MLYCD: variants seen among roughly 807,000 people sequenced by gnomAD.
MLYCD encodes the protein malonyl-CoA decarboxylase.
Under a neutral mutation model 35.8 loss-of-function variants are expected in MLYCD, and 27 were observed. That is an observed-to-expected ratio of 0.75 (90% CI 0.56 to 1.04). MLYCD has a LOEUF of 1.04. Among genes scored for constraint, MLYCD ranks in the 50% least tolerant of loss-of-function variants. The probability of loss-of-function intolerance (pLI) is 0.00; values close to 1 mark genes in which losing one functional copy is unlikely to be tolerated. For missense variants in MLYCD, 917 were observed against 665.1 expected, an observed-to-expected ratio of 1.38 and a Z score of -4.17; for synonymous variants, 403 against 302.4, an observed-to-expected ratio of 1.33 and a Z score of -3.45.
intron 4 of MLYCD, 108 bp from the exon 5 acceptor site, chr16:83,914,848 A>G (rs1376529249): frequency 1.5e-5 from 22 of 1,481,214 alleles, no homozygotes; most frequent in East Asian, 2.3e-5. Context: ...TCTGACCGCT[A>G]CACAGCAGCA....
chr16:83,913,243 C>A (rs938349396), intron 4 of MLYCD: 2 of 152,184 alleles, frequency 1.3e-5, no homozygotes, highest in South Asian at 2.1e-4. Context: ...ATTACCACGC[C>A]GCCATGTTTC....
At chr16:83,902,823 A>G (rs1167348400) in intron 1 of MLYCD, among the ~76,000 whole-genome samples, 1 of 152,004 alleles carries the variant, frequency 6.6e-6, no homozygotes, top group Non-Finnish European at 1.5e-5. Flanking sequence ...TACTTTTTAA[A>G]ATGTTCTTTT....
At chr16:83,902,447 G>A (rs2151054727) in intron 1 of MLYCD, among the ~76,000 whole-genome samples, 1 of 149,278 alleles carries the variant, frequency 6.7e-6, no homozygotes, top group Non-Finnish European at 1.5e-5. Context: ...ATCTGATATT[G>A]TAACCTCTCA....
At chr16:83,908,321 C>T in intron 3 of MLYCD, 39 bp downstream of exon 3, 1 of 1,607,988 alleles carries the variant, frequency 6.2e-7, no homozygotes. Flanking sequence ...ATGGGCACCC[C>T]ATAGAGCCCC....
At chr16:83,902,368 A>T (rs897065891) in intron 1 of MLYCD, among the ~76,000 whole-genome samples, 3 of 151,102 alleles carry the variant, frequency 2.0e-5, no homozygotes, top group African/African-American at 7.3e-5. Flanking sequence ...ATTTTTTTAA[A>T]ATCCCTGTCG....
Position 83,908,225 on chromosome 16 carries a change from G to T in MLYCD, c.741G>T (p.Gly247=), listed in dbSNP as rs376948469. 147 of 1,614,074 alleles carry T rather than the reference G, an allele frequency of 9.1e-5. 1 individual carries two copies. The highest frequency in any genetic ancestry group is 1.2e-4 in the Non-Finnish European group (139 of 1,180,046). ...CYFFSHCSTP[G]EPLVVLHVAL... is the part of the protein sequence containing the mutation. ...TCTTTTCTCACTGTTCGACCCCTGG[G>T]GAGCCCCTGGTCGTTTTGCACGTGG... is the stretch of plus-strand genomic sequence containing the variant. Residue 247 remains glycine, a synonymous_variant, in exon 3 of 5, where the codon GGG becomes GGT. Transcript: ENST00000262430.
At chr16:83,909,703 C>T (rs1341740292) in intron 3 of MLYCD, among the ~76,000 whole-genome samples, 1 of 150,374 alleles carries the variant, frequency 6.7e-6, no homozygotes, top group African/African-American at 2.5e-5. Flanking sequence ...CTCACTGCAA[C>T]CTCCAACTCC....
At chr16:83,899,782 A>ACGCTCACTT in intron 1 of MLYCD, 110 bp downstream of exon 1, 1 of 1,307,602 alleles carries the variant, frequency 7.6e-7, no homozygotes, top group Non-Finnish European at 1.0e-6. Context: ...GCCCGATAGC[A>ACGCTCACTT]CGCTCACTTC....
In MLYCD at chr16:83,916,592, C is replaced by G. The variant is rs1907400557; in HGVS notation, c.*1103C>G. ...CGTCTCTGTGTGGATCAGTGCACGT[C>G]TGTGTGCGTGTGCACGAGCGTCTCT... On this transcript the variant is annotated 3_prime_UTR_variant, in exon 5 of 5. Transcript: ENST00000262430. 1 of 137,486 alleles carries G rather than the reference C, an allele frequency of 7.3e-6. No homozygotes were observed. The highest frequency in any genetic ancestry group is 1.5e-5 in the Non-Finnish European group (1 of 65,084). 8.5% of individuals were successfully genotyped at this position (137,486 alleles called of 1,614,324 possible).
rs767659723 is a variant in MLYCD, at chr16:83,915,140, T to A, written c.1133T>A (p.Leu378His). 46 of 1,614,248 alleles carry A rather than the reference T, an allele frequency of 2.8e-5. No homozygotes were observed. Among genetic ancestry groups the A allele is most frequent in the South Asian group, 7.7e-5 (7 of 91,090 alleles). The change falls in exon 5 of 5, where the codon CTC becomes CAC. Residue 378 changes from leucine (L) to histidine (H), a missense_variant. By Grantham distance (99) the Leu-to-His change is moderately conservative. Coordinates refer to ENST00000262430, the MANE Select transcript of MLYCD (RefSeq NM_012213.3). ...CCCATTAACGAGACCCTCAAGCTCC[T>A]CCTCAGCAGCAGCGAGTGGGTGCAG... ...GGPINETLKL[L>H]LSSSEWVQSE...
At chr16:83,914,597 G>A (rs1907302554) in intron 4 of MLYCD, 1 of 359,892 alleles carries the variant, frequency 2.8e-6, no homozygotes, top group Non-Finnish European at 5.4e-6. Context: ...TGCCTCCAGG[G>A]TCTGGCACAC....
chr16:83,905,977 G>T (rs560999416), intron 1 of MLYCD, among the ~76,000 whole-genome samples: 1 of 152,308 alleles, frequency 6.6e-6, no homozygotes, highest in East Asian at 1.9e-4. Context: ...CATCATTTTT[G>T]GAAGTAGATA....
intron 4 of MLYCD, 178 bp from the exon 5 acceptor site, chr16:83,914,778 C>G (rs1234147070): frequency 4.7e-5 from 42 of 902,650 alleles, no homozygotes; most frequent in Admixed American, 1.3e-4. Flanking sequence ...GACCCTGACT[C>G]TAAGAGGAAA....
chr16:83,914,932 T>C, intron 4 of MLYCD, 24 bp from the exon 5 acceptor site: 1 of 1,614,172 alleles, frequency 6.2e-7, no homozygotes, highest in Non-Finnish European at 8.5e-7. Context: ...CCGCCTTCCT[T>C]TCCACCCCAA....
Position 83,915,971 on chromosome 16 carries a change from GCTGTGCTACA to G in MLYCD, c.*485_*494del, listed in dbSNP as rs1253016049. On this transcript the variant is annotated 3_prime_UTR_variant, in exon 5 of 5. Coordinates refer to ENST00000262430, the MANE Select transcript of MLYCD (RefSeq NM_012213.3). ...ACCATGCAATGCAGAGGGACAAAGG[GCTGTGCTACA>G]CTTCCCAGTTACATTCTGAAGCTCA... 1 of 1,041,970 alleles carries G rather than the reference GCTGTGCTACA, an allele frequency of 9.6e-7. No individual in the cohort carries two copies. Among genetic ancestry groups the G allele is most frequent in the African/African-American group, 1.7e-5 (1 of 60,292 alleles). The allele number at this position is 1,041,970 out of a possible 1,614,324, so 64.5% of individuals were successfully genotyped here.
Position 83,915,301 on chromosome 16 carries a change from C to G in MLYCD, c.1294C>G (p.Arg432Gly). The G allele has an allele frequency of 6.2e-7, 1 of 1,613,708 alleles. No homozygotes were observed. The highest frequency in any genetic ancestry group is 8.5e-7 in the Non-Finnish European group (1 of 1,179,756). Reference sequence around the variant, plus strand: ...CCTGCAGAACGGGGCGGTGCTGTGGCGCATCAACTGGATGGCGGATGTGAG... The same window carrying G: ...CCTGCAGAACGGGGCGGTGCTGTGGGGCATCAACTGGATGGCGGATGTGAG... ...FHLQNGAVLW[R>G]INWMADVSLR... Residue 432 changes from arginine (R) to glycine (G), a missense_variant, in exon 5 of 5, where the codon CGC (arginine) becomes GGC (glycine). Transcript: ENST00000262430.
rs753701525 is a variant in MLYCD at position 83,915,198 on chromosome 16, G to T, written c.1191G>T (p.Pro397=). ...AGCTGGTGCGGGCGCTGCAGACTCC[G>T]CTGATGAGGCTGTGCGCCTGGTACC... ...SEKLVRALQT[P]LMRLCAWYLY... Residue 397 remains proline, a synonymous_variant, in exon 5 of 5, where the codon CCG becomes CCT. Coordinates refer to ENST00000262430, the MANE Select transcript of MLYCD (RefSeq NM_012213.3). The T allele has an allele frequency of 1.2e-6, 2 of 1,614,056 alleles. No individual in the cohort carries two copies. The highest frequency in any genetic ancestry group is 1.1e-5 in the South Asian group (1 of 91,082).
rs1440707009 is a variant in MLYCD at position 83,911,143 on chromosome 16, A to AT, written c.799-1067dup. 9.9e-5 allele frequency among the ~76,000 whole-genome samples: 15 copies of AT among 151,592 alleles called. No homozygotes were observed. In the East Asian group the frequency reaches 1.4e-3, roughly 14 times the overall value. On this transcript the variant is annotated intron_variant, in intron 3 of 4. Coordinates refer to ENST00000262430, the MANE Select transcript of MLYCD (RefSeq NM_012213.3). Reference sequence around the variant, plus strand: ...AGGCACCTGCCACCATGCCCGGCTCATTTTTTTTGTATTTTTAGTAGAGAC... The same window carrying AT: ...AGGCACCTGCCACCATGCCCGGCTCATTTTTTTTTGTATTTTTAGTAGAGAC...
Position 83,912,356 on chromosome 16 carries a change from A to G in MLYCD, c.937A>G (p.Lys313Glu). The change falls in exon 4 of 5, where the codon AAG (lysine) becomes GAG (glutamate). Residue 313 changes from lysine to glutamate, a missense_variant. Physicochemically the swap from Lys to Glu is moderately conservative, Grantham distance 56. Coordinates refer to ENST00000262430, the MANE Select transcript of MLYCD (RefSeq NM_012213.3). ...LGTFLIKRVV[K>E]ELQREFPHLG... ...AACATTCCTCATAAAGCGAGTCGTC[A>G]AGGAGTTGCAGGTAAGCGACACGCA... 1 of 1,614,156 alleles carries G rather than the reference A, an allele frequency of 6.2e-7. No homozygotes were observed.
Sources: gnomAD v4.1 joint callset for allele counts (sites outside exome capture counted in the v4.1 genomes callset) on GRCh38, gnomAD v4.1.1 for gene constraint, MANE v1.5 for transcripts, NCBI Gene and HGNC (gene_info 2026-07-23, HGNC 2026-07-21) for gene names.